Variants in ZFYVE28 observed in about 807,000 individuals in gnomAD.
ZFYVE28 encodes lateral signaling target protein 2 homolog.
In ZFYVE28, 40 loss-of-function variants were observed where a neutral mutation model predicts 82.1. The observed-to-expected ratio is 0.49, with a 90% CI of 0.38 to 0.63. ZFYVE28 has a LOEUF of 0.63. Ranked by LOEUF, ZFYVE28 falls within the 30% of genes least tolerant of loss-of-function variation. ZFYVE28 has a pLI of 0.00. For missense variants in ZFYVE28, 1,321 were observed against 1,242.1 expected (o/e 1.06, Z -0.96); for synonymous variants, 612 against 546.1 (o/e 1.12, Z -1.68).
At chr4:2,400,245 G>A (rs1731032034) in intron 1 of ZFYVE28, among the ~76,000 whole-genome samples, 1 of 152,224 alleles carries the variant, frequency 6.6e-6, no homozygotes, top group Admixed American at 6.5e-5. Context: ...TACATAGCTG[G>A]TCTGGTCCGT....
chr4:2,282,429 G>A (rs557503404), intron 8 of ZFYVE28, among the ~76,000 whole-genome samples: 1 of 152,196 alleles, frequency 6.6e-6, no homozygotes, highest in African/African-American at 2.4e-5. Context: ...CAGCACACAG[G>A]GGGGATAAAT....
Position 2,270,715 on chromosome 4 carries a change from T to C in ZFYVE28, c.*10A>G, listed in dbSNP as rs1340392942. On this transcript the variant is annotated 3_prime_UTR_variant, in exon 13 of 13. Coordinates refer to ENST00000290974, the MANE Select transcript of ZFYVE28 (RefSeq NM_020972.3). ...GGCCCGGGTGGGTTGGGGCTGCCCC[T>C]GGCACCACGTCACAGGCCGGCCTTG... is the stretch of plus-strand genomic sequence containing the variant. 6.2e-7 allele frequency: 1 copy of C among 1,612,914 alleles called. No homozygotes were observed. The highest frequency in any genetic ancestry group is 8.5e-7 in the Non-Finnish European group (1 of 1,179,844).
At position 2,336,003 on chromosome 4, in the gene ZFYVE28, G is replaced by A. The variant is rs533451426; in HGVS notation, c.612-209C>T. Among the ~76,000 whole-genome samples the A allele has an allele frequency of 3.9e-5, 6 of 152,330 alleles. 1 individual carries two copies. In the East Asian group the frequency reaches 1.2e-3, roughly 29 times the overall value. On this transcript the variant is annotated intron_variant, in intron 5 of 12. Coordinates refer to ENST00000290974, the MANE Select transcript of ZFYVE28 (RefSeq NM_020972.3). The stretch of plus-strand genomic sequence containing the variant: ...GGCCACACACTTCCCTAAATGCCCT[G>A]GCAGGTGGCTCCAGCTTGACCTTCC...
Position 2,372,597 on chromosome 4 carries a change from G to C in ZFYVE28, c.40-18524C>G, listed in dbSNP as rs1287060525. On this transcript the variant is annotated intron_variant, in intron 1 of 12. Coordinates refer to ENST00000290974, the MANE Select transcript of ZFYVE28 (RefSeq NM_020972.3). The surrounding 1 kb of genome is among the most constrained non-coding windows in gnomAD (Gnocchi z 5.2). ...GAGGTGCGGGCAGGCAGGGGTGCTG[G>C]GGTTCTGAACAGGGCCTGGATTCTG... 6.6e-6 allele frequency among the ~76,000 whole-genome samples: 1 copy of C among 152,158 alleles called. No homozygotes were observed. The highest frequency in any genetic ancestry group is 1.5e-5 in the Non-Finnish European group (1 of 68,016).
At position 2,300,347 on chromosome 4, in the gene ZFYVE28, T is replaced by A. The variant is rs1311707061; in HGVS notation, c.2051+3942A>T. Among the ~76,000 whole-genome samples the A allele has an allele frequency of 6.6e-6, 1 of 152,090 alleles. No individual in the cohort carries two copies. The highest frequency in any genetic ancestry group is 2.4e-5 in the African/African-American group (1 of 41,390). ...AGGCTAGCTGAAGGGAAAATAAGCTTTTAAAAAATGTCAACTTCTCCAAAA... is the reference window on the plus strand; with the variant it reads ...AGGCTAGCTGAAGGGAAAATAAGCTATTAAAAAATGTCAACTTCTCCAAAA... On this transcript the variant is annotated intron_variant, in intron 8 of 12. Coordinates refer to ENST00000290974, the MANE Select transcript of ZFYVE28 (RefSeq NM_020972.3). This position sits in a 1 kb window ranked among gnomAD's most constrained non-coding sequence, Gnocchi z 4.6.
chr4:2,377,052 C>T lies in ZFYVE28; in HGVS notation c.40-22979G>A, dbSNP rs569362390. ...TTTTTTTTTTTCTGAGACGGAGTCT[C>T]GCTCTGTCACCCAGGCTGGAGTGCA... On this transcript the variant is annotated intron_variant, in intron 1 of 12. Transcript: ENST00000290974. 5.9e-5 allele frequency among the ~76,000 whole-genome samples: 9 copies of T among 151,384 alleles called. No individual in the cohort carries two copies. The East Asian group carries it at 7.8e-4, about 13-fold the overall frequency.
chr4:2,361,303 C>G (rs1726115639), intron 1 of ZFYVE28, among the ~76,000 whole-genome samples: 1 of 152,146 alleles, frequency 6.6e-6, no homozygotes, highest in South Asian at 2.1e-4. Flanking sequence ...TGGACTGACT[C>G]TGGGCTAATT....
chr4:2,293,401 C>A (rs1714033830), intron 8 of ZFYVE28, among the ~76,000 whole-genome samples: 1 of 151,406 alleles, frequency 6.6e-6, no homozygotes, highest in South Asian at 2.1e-4. Flanking sequence ...CTGATGAAAT[C>A]TTTGAAAAAA....
At chr4:2,281,643 TC>T (rs1269177568) in intron 8 of ZFYVE28, among the ~76,000 whole-genome samples, 4 of 151,836 alleles carry the variant, frequency 2.6e-5, no homozygotes, top group Admixed American at 6.6e-5. Context: ...CTCTTTAAGG[TC>T]CCCCCTCTCA....
chr4:2,402,059 C>T (rs1731242917), intron 1 of ZFYVE28, among the ~76,000 whole-genome samples: 1 of 152,232 alleles, frequency 6.6e-6, no homozygotes, highest in Non-Finnish European at 1.5e-5. Context: ...AATCCCGGTC[C>T]TGCCGGCTGT....
At chr4:2,288,466 C>T (rs776251765) in intron 8 of ZFYVE28, among the ~76,000 whole-genome samples, 48 of 152,208 alleles carry the variant, frequency 3.2e-4, no homozygotes, top group Non-Finnish European at 5.9e-4. Context: ...CGCCTGCCTC[C>T]GAGGGGCTCT....
At chr4:2,353,446 C>T (rs763950699) in intron 2 of ZFYVE28, among the ~76,000 whole-genome samples, 28 of 152,200 alleles carry the variant, frequency 1.8e-4, no homozygotes, top group Non-Finnish European at 3.5e-4. Context: ...TGCCGTTTGC[C>T]GTTGTGTTGG....
chr4:2,412,050 G>C (rs73074341), intron 1 of ZFYVE28, among the ~76,000 whole-genome samples: 4,424 of 152,248 alleles, frequency 0.029, 219 homozygotes, highest in African/African-American at 0.1. Flanking sequence ...CTCCCCCCTG[G>C]GGCGCAGGCA....
intron 1 of ZFYVE28, among the ~76,000 whole-genome samples, 154 bp from the exon 2 acceptor site, chr4:2,354,227 C>G (rs1235825499): frequency 6.6e-6 from 1 of 152,164 alleles, no homozygotes; most frequent in Non-Finnish European, 1.5e-5. Context: ...ACACCAGGAT[C>G]TAGAGGGAAA....
At chr4:2,364,838 C>T in intron 1 of ZFYVE28, 1 of 985,470 alleles carries the variant, frequency 1.0e-6, no homozygotes, top group Non-Finnish European at 1.2e-6. Context: ...CGCGATACCG[C>T]GATAAAACCC....
chr4:2,294,053 C>T (rs1368519825), intron 8 of ZFYVE28, among the ~76,000 whole-genome samples: 2 of 150,176 alleles, frequency 1.3e-5, no homozygotes, highest in Admixed American at 1.3e-4. Flanking sequence ...TCTACATAAT[C>T]CCAATCAAAA....
At chr4:2,368,546 G>C (rs1391896749) in intron 1 of ZFYVE28, among the ~76,000 whole-genome samples, 1 of 152,136 alleles carries the variant, frequency 6.6e-6, no homozygotes, top group Non-Finnish European at 1.5e-5. Context: ...CTTTATCTCT[G>C]GATTTGCATG....
At position 2,271,341 on chromosome 4, in the gene ZFYVE28, G is replaced by T; in HGVS notation, c.2502C>A (p.Arg834=). Residue 834 remains arginine (R), a synonymous_variant, in exon 12 of 13, where the codon CGC becomes CGA. Coordinates refer to ENST00000290974, the MANE Select transcript of ZFYVE28 (RefSeq NM_020972.3). The part of the protein sequence containing the change: ...TACKAPFTVI[R]RKHHCRSCGK... ...CACAGCTGCGGCAGTGGTGCTTCCG[G>T]CGGATGACGGTGAAGGGTGCTTTGC... The T allele has an allele frequency of 6.2e-7, 1 of 1,612,940 alleles. No homozygotes were observed. Among genetic ancestry groups the T allele is most frequent in the Non-Finnish European group, 8.5e-7 (1 of 1,179,972 alleles).
At chr4:2,414,325 G>A (rs1732815543) in intron 1 of ZFYVE28, among the ~76,000 whole-genome samples, 1 of 152,252 alleles carries the variant, frequency 6.6e-6, no homozygotes, top group Non-Finnish European at 1.5e-5. Flanking sequence ...CAAACCCAAA[G>A]GGGTCTTCTT....
Sources: gnomAD v4.1 joint callset for allele counts (sites outside exome capture counted in the v4.1 genomes callset) on GRCh38, gnomAD v4.1.1 for gene constraint, Gnocchi (gnomAD v3.1) non-coding constraint, MANE v1.5 for transcripts, NCBI Gene and HGNC (gene_info 2026-07-23, HGNC 2026-07-21) for gene names.